DNAH14: variants seen among roughly 807,000 people sequenced by gnomAD.
DNAH14 encodes the protein axonemal beta dynein heavy chain 14.
DNAH14 carries 478 observed loss-of-function variants against 520.9 expected under a neutral mutation model. The ratio of observed to expected loss-of-function variants is 0.92; its 90% confidence interval spans 0.85 to 0.99. DNAH14 has a LOEUF of 0.99. DNAH14 is among the 50% of genes least tolerant of loss of function. The pLI is 0.00. For synonymous variants in DNAH14, 1,581 were observed against 1,757.2 expected (o/e 0.90, Z 2.51); for missense variants, 4,831 against 5,234.5 (o/e 0.92, Z 2.38).
chr1:225,340,329 T>A (rs2095152723), intron 68 of DNAH14, 128 bp from the exon 69 acceptor site: 2 of 982,554 alleles, frequency 2.0e-6, no homozygotes, highest in Non-Finnish European at 2.9e-6. Context: ...GTACTTTGTA[T>A]ACAAAGCTGA....
At chr1:225,288,518 C>A (rs1035136855) in intron 54 of DNAH14, among the ~76,000 whole-genome samples, 3 of 152,012 alleles carry the variant, frequency 2.0e-5, no homozygotes. Context: ...TTAATGGTAA[C>A]AAATGTAATA....
At chr1:225,188,264 A>G (rs1405618566) in intron 37 of DNAH14, among the ~76,000 whole-genome samples, 2 of 151,932 alleles carry the variant, frequency 1.3e-5, no homozygotes, top group East Asian at 3.8e-4. Flanking sequence ...TTTAAACACT[A>G]CATTACAATG....
intron 27 of DNAH14, among the ~76,000 whole-genome samples, chr1:225,133,964 A>G (rs1240246705): frequency 1.3e-5 from 2 of 151,966 alleles, no homozygotes; most frequent in African/African-American, 4.8e-5. Context: ...TGTAATTCCT[A>G]GGTATTTTAT....
intron 54 of DNAH14, among the ~76,000 whole-genome samples, chr1:225,284,129 T>G (rs1405392411): frequency 1.3e-5 from 2 of 151,760 alleles, no homozygotes; most frequent in African/African-American, 2.4e-5. Context: ...ACCCAAAGCA[T>G]GCAGATGGAA....
intron 21 of DNAH14, among the ~76,000 whole-genome samples, chr1:225,096,258 A>G (rs1171158527): frequency 6.6e-6 from 1 of 152,196 alleles, no homozygotes; most frequent in Admixed American, 6.5e-5. Flanking sequence ...CTGGGATTAC[A>G]GGTGTGAGCC....
intron 36 of DNAH14, among the ~76,000 whole-genome samples, chr1:225,180,026 C>A (rs2083786232): frequency 1.3e-5 from 2 of 152,046 alleles, no homozygotes; most frequent in African/African-American, 4.8e-5. Context: ...CTTTCTCTTT[C>A]TGCTTTTAGG....
rs1180973279 is a variant in DNAH14, at chr1:225,274,194, GTTATTT to G, written c.8010+1072_8010+1077del. Among the ~76,000 whole-genome samples, 9 of 120,330 alleles carry G rather than the reference GTTATTT, an allele frequency of 7.5e-5. 2 individuals are homozygous for G. The highest frequency in any genetic ancestry group is 2.0e-4 in the African/African-American group (6 of 29,442). The allele number at this position is 120,330 out of a possible 152,430, so 78.9% of individuals were successfully genotyped here. ...TTTCTCTGCATCCTCACCAGCATCT[GTTATTT>G]TTTTTTTTTTTTTTTTTTTTTTGAG... On this transcript the variant is annotated intron_variant, in intron 52 of 85. Transcript: ENST00000682510.
chr1:225,035,118 G>A (rs1159249389), intron 11 of DNAH14, among the ~76,000 whole-genome samples: 1 of 151,630 alleles, frequency 6.6e-6, no homozygotes, highest in Non-Finnish European at 1.5e-5. Flanking sequence ...GTTATTTCTT[G>A]TCTTCTGCTA....
chr1:225,286,899 TA>T (rs1427127457), intron 54 of DNAH14, among the ~76,000 whole-genome samples: 1 of 151,882 alleles, frequency 6.6e-6, no homozygotes, highest in Non-Finnish European at 1.5e-5. Context: ...TATTAAGAGA[TA>T]AAAAGAAATG....
At chr1:225,287,158 T>C (rs1409520817) in intron 54 of DNAH14, among the ~76,000 whole-genome samples, 1 of 152,190 alleles carries the variant, frequency 6.6e-6, no homozygotes, top group Non-Finnish European at 1.5e-5. Context: ...TATATATTTG[T>C]CAAAGCCCAT....
intron 57 of DNAH14, 88 bp downstream of exon 57, chr1:225,303,435 C>A: frequency 9.1e-7 from 1 of 1,101,576 alleles, no homozygotes; most frequent in Non-Finnish European, 1.3e-6. Context: ...CCTAGATGGA[C>A]AAAAATAGGC....
At chr1:225,378,961 T>G (rs978139124) in intron 79 of DNAH14, among the ~76,000 whole-genome samples, 4 of 151,898 alleles carry the variant, frequency 2.6e-5, no homozygotes, top group Non-Finnish European at 4.4e-5. Context: ...ATGTGCCCCA[T>G]TTCCTACTCA....
At chr1:225,197,027 C>G (rs1559258650) in intron 38 of DNAH14, among the ~76,000 whole-genome samples, 1 of 147,326 alleles carries the variant, frequency 6.8e-6, no homozygotes, top group Non-Finnish European at 1.5e-5. Context: ...GTACCTTTTG[C>G]TGTGCAAAAC....
chr1:225,336,005 G>GCA (rs1420628841), intron 66 of DNAH14, among the ~76,000 whole-genome samples: 10 of 83,256 alleles, frequency 1.2e-4, no homozygotes, highest in Non-Finnish European at 2.2e-4. Flanking sequence ...ATGCATATAT[G>GCA]TATACGCATA....
intron 21 of DNAH14, among the ~76,000 whole-genome samples, chr1:225,087,036 A>ACACACG (rs1267364820): frequency 2.1e-5 from 3 of 140,508 alleles, no homozygotes; most frequent in African/African-American, 8.0e-5. Context: ...ACACACACAC[A>ACACACG]GCCTTCTACT....
intron 17 of DNAH14, among the ~76,000 whole-genome samples, chr1:225,054,688 T>G (rs930356872): frequency 2.0e-5 from 3 of 152,130 alleles, no homozygotes; most frequent in Admixed American, 1.3e-4. Context: ...GGTTTCTGAC[T>G]GTTAAATCAT....
chr1:225,168,023 C>T lies in DNAH14; in HGVS notation c.5530C>T (p.Leu1844Phe), dbSNP rs1160331956. 17 of 1,512,418 alleles carry T rather than the reference C, an allele frequency of 1.1e-5. No individual in the cohort carries two copies. The highest frequency in any genetic ancestry group is 1.3e-5 in the Non-Finnish European group (15 of 1,120,802). The allele number at this position is 1,512,418 out of a possible 1,614,324, so 93.7% of individuals were successfully genotyped here. ...KEKIIQFYNQ[L>F]QVCVGVMLVG... ...GAAGATTATACAGTTTTATAATCAA[C>T]TTCAGGTAAGTATAAAATGGCATGT... The change falls in exon 36 of 86, where the codon CTT becomes TTT. Residue 1844 changes from leucine to phenylalanine, a missense_variant. Leu to Phe is a conservative substitution (Grantham distance 22). Transcript: ENST00000682510.
chr1:224,983,796 C>T (rs1310705215), intron 8 of DNAH14, among the ~76,000 whole-genome samples: 2 of 152,048 alleles, frequency 1.3e-5, no homozygotes, highest in South Asian at 2.1e-4. Flanking sequence ...ACCCCTTTTA[C>T]AATAGCTGAA....
intron 47 of DNAH14, 60 bp from the exon 48 acceptor site, chr1:225,265,122 G>C: frequency 8.3e-7 from 1 of 1,205,156 alleles, no homozygotes; most frequent in Non-Finnish European, 1.1e-6. Flanking sequence ...ATTAAAATAA[G>C]GCAAAAATGT....
Sources: allele counts gnomAD v4.1 joint callset (sites outside exome capture counted in the v4.1 genomes callset), GRCh38; gene constraint gnomAD v4.1.1; transcripts MANE v1.5; gene names NCBI Gene and HGNC (gene_info 2026-07-23, HGNC 2026-07-21).